The following HRH1 variants were observed in gnomAD, a reference collection of about 807,000 sequenced individuals.
HRH1 encodes histamine H1 receptor.
A neutral mutation model predicts 10.3 loss-of-function variants in HRH1; 6 were observed. The observed-to-expected ratio is 0.58, with a 90% CI of 0.32 to 1.15. The LOEUF (loss-of-function observed/expected upper bound fraction) is 1.15. Among genes scored for constraint, HRH1 ranks in the 50% most tolerant of loss-of-function variants. HRH1 has a pLI of 0.05. For missense variants in HRH1, 514 were observed against 615.3 expected (o/e 0.84, Z 1.74); for synonymous variants, 242 against 236.7 (o/e 1.02, Z -0.21).
At chr3:11,193,039 A>G (rs1476792422) in intron 1 of HRH1, among the ~76,000 whole-genome samples, 2 of 152,246 alleles carry the variant, frequency 1.3e-5, no homozygotes, top group Non-Finnish European at 2.9e-5. Context: ...TACAAGTTAA[A>G]GCATGTTTAT....
chr3:11,219,947 G>GTT (rs1254697819), intron 1 of HRH1, among the ~76,000 whole-genome samples: 2 of 102,742 alleles, frequency 1.9e-5, no homozygotes, highest in African/African-American at 3.7e-5. Flanking sequence ...AACTTAATGT[G>GTT]TTGTTTTTTT....
At chr3:11,223,820 G>T (rs932208197) in intron 1 of HRH1, among the ~76,000 whole-genome samples, 1 of 152,172 alleles carries the variant, frequency 6.6e-6, no homozygotes, top group Non-Finnish European at 1.5e-5. Context: ...TTGAGAGAAG[G>T]GTTCAGCGTC....
intron 1 of HRH1, chr3:11,253,049 A>T (rs1429504453): frequency 6.6e-6 from 1 of 152,098 alleles, no homozygotes; most frequent in Non-Finnish European, 1.5e-5. Flanking sequence ...ATTAACAGAA[A>T]TTTGCTGCTA....
intron 1 of HRH1, among the ~76,000 whole-genome samples, chr3:11,169,240 G>A (rs1574985879): frequency 6.6e-6 from 1 of 152,276 alleles, no homozygotes; most frequent in Middle Eastern, 3.4e-3. Flanking sequence ...GAGTAAGGGA[G>A]GTGACGGATG....
At chr3:11,250,693 A>C (rs975591873) in intron 1 of HRH1, among the ~76,000 whole-genome samples, 1 of 152,186 alleles carries the variant, frequency 6.6e-6, no homozygotes, top group Non-Finnish European at 1.5e-5. Context: ...TCAGTAGTAG[A>C]ATGTAGATAA....
upstream of HRH1, among the ~76,000 whole-genome samples, chr3:11,154,253 C>A (rs974519278): frequency 6.6e-6 from 1 of 152,092 alleles, no homozygotes; most frequent in East Asian, 1.9e-4. This position sits in a 1 kb window ranked among gnomAD's most constrained non-coding sequence, Gnocchi z 4.4. Flanking sequence ...CCAGCGGGAG[C>A]AGCTCCAAAC....
chr3:11,243,050 A>G (rs560886512), intron 1 of HRH1, among the ~76,000 whole-genome samples: 1 of 152,152 alleles, frequency 6.6e-6, no homozygotes, highest in African/African-American at 2.4e-5. Context: ...AGTAGCTGGG[A>G]CTACAGGTGC....
At chr3:11,163,385 C>T (rs1272763789) in intron 1 of HRH1, among the ~76,000 whole-genome samples, 1 of 152,162 alleles carries the variant, frequency 6.6e-6, no homozygotes, top group African/African-American at 2.4e-5. Flanking sequence ...GGAAAGATGT[C>T]CCTGATAAAT....
chr3:11,234,954 G>A (rs944093753), intron 1 of HRH1, among the ~76,000 whole-genome samples: 3 of 152,046 alleles, frequency 2.0e-5, no homozygotes, highest in East Asian at 1.9e-4. Context: ...GGTGGCTCAC[G>A]CCTGTAATCC....
Position 11,168,399 on chromosome 3 carries a change from C to T in HRH1, c.-36+13845C>T, listed in dbSNP as rs988179584. 5.9e-5 allele frequency among the ~76,000 whole-genome samples: 9 copies of T among 152,156 alleles called. 1 individual carries two copies. Among genetic ancestry groups the T allele is most frequent in the Admixed American group, 3.3e-4 (5 of 15,288 alleles). On this transcript the variant is annotated intron_variant, in intron 1 of 1. Coordinates refer to ENST00000431010, the MANE Select transcript of HRH1 (RefSeq NM_001098212.2). ...ATGTGTGGATGACGCACAGAGGAAGCGGGGGACCCCACCGGAGGCCAGTGC... is the reference window on the plus strand; with the variant it reads ...ATGTGTGGATGACGCACAGAGGAAGTGGGGGACCCCACCGGAGGCCAGTGC...
intron 1 of HRH1, among the ~76,000 whole-genome samples, chr3:11,206,159 G>C (rs930561961): frequency 2.6e-5 from 4 of 152,176 alleles, no homozygotes; most frequent in African/African-American, 9.7e-5. Context: ...CTGTCACCCA[G>C]GCTGGAGTGC....
chr3:11,176,847 C>T (rs145989861), intron 1 of HRH1, among the ~76,000 whole-genome samples: 2,885 of 152,270 alleles, frequency 0.019, 34 homozygotes, highest in Middle Eastern at 0.044. Flanking sequence ...AATCCCAGCA[C>T]TTTGGGAGGC....
chr3:11,196,229 C>T (rs1228300279), intron 1 of HRH1, among the ~76,000 whole-genome samples: 6 of 152,232 alleles, frequency 3.9e-5, no homozygotes, highest in Admixed American at 2.0e-4. Context: ...CCTGGCCCTG[C>T]GCAGCAGCCT....
chr3:11,210,619 C>T (rs1938295563), intron 1 of HRH1, among the ~76,000 whole-genome samples: 1 of 151,998 alleles, frequency 6.6e-6, no homozygotes, highest in South Asian at 2.1e-4. Flanking sequence ...CGGTGAAACC[C>T]CATCTCTACC....
chr3:11,251,576 G>A (rs1939651445), intron 1 of HRH1, among the ~76,000 whole-genome samples: 1 of 152,184 alleles, frequency 6.6e-6, no homozygotes. Context: ...ACAAAAAGGT[G>A]TCTTCCGGTT....
chr3:11,261,346 A>T lies in HRH1; in HGVS notation c.*845A>T, dbSNP rs1339243214. Reference sequence around the variant, plus strand: ...AGAATGCCATATTTTTGAGGGCTGTACTAGGTTTATCTCATTTAAGCCCCA... The same window carrying T: ...AGAATGCCATATTTTTGAGGGCTGTTCTAGGTTTATCTCATTTAAGCCCCA... On this transcript the variant is annotated 3_prime_UTR_variant, in exon 2 of 2. Transcript: ENST00000431010. 3 of 167,118 alleles carry T rather than the reference A, an allele frequency of 1.8e-5. No homozygotes were observed. The highest frequency in any genetic ancestry group is 4.4e-5 in the Non-Finnish European group (3 of 68,124). 10.4% of individuals were successfully genotyped at this position (167,118 alleles called of 1,614,324 possible).
intron 1 of HRH1, among the ~76,000 whole-genome samples, chr3:11,211,739 G>A (rs548997824): frequency 1.3e-5 from 2 of 152,350 alleles, no homozygotes; most frequent in African/African-American, 4.8e-5. Flanking sequence ...TTGGCCAGGA[G>A]CATTCTGACC....
chr3:11,184,655 A>C (rs1410528963), intron 1 of HRH1, among the ~76,000 whole-genome samples: 1 of 152,076 alleles, frequency 6.6e-6, no homozygotes, highest in East Asian at 1.9e-4. Context: ...GATGACTCGC[A>C]CCTGTAATCC....
intron 1 of HRH1, among the ~76,000 whole-genome samples, chr3:11,193,427 A>C (rs1937586724): frequency 6.6e-6 from 1 of 152,248 alleles, no homozygotes; most frequent in Non-Finnish European, 1.5e-5. Context: ...AAAGTATCAT[A>C]AACTAGGTGG....
Sources: gnomAD v4.1 joint callset for allele counts (sites outside exome capture counted in the v4.1 genomes callset) on GRCh38, gnomAD v4.1.1 for gene constraint, Gnocchi (gnomAD v3.1) non-coding constraint, MANE v1.5 for transcripts, NCBI Gene and HGNC (gene_info 2026-07-23, HGNC 2026-07-21) for gene names.